KAT5: variants seen among roughly 807,000 people sequenced by gnomAD.
KAT5 encodes histone acetyltransferase KAT5.
A neutral mutation model predicts 68.1 loss-of-function variants in KAT5; 31 were observed. The observed-to-expected ratio is 0.46, with a 90% CI of 0.34 to 0.61. KAT5 has a LOEUF of 0.61. Ranked by LOEUF, KAT5 falls within the 20% of genes least tolerant of loss-of-function variation. The pLI, the probability that KAT5 is intolerant of heterozygous loss-of-function variation, is 0.01. For synonymous variants in KAT5, 365 were observed against 292.6 expected (o/e 1.25, Z -2.52); for missense variants, 451 against 725.5 (o/e 0.62, Z 4.35).
In KAT5 at chr11:65,718,697, A is replaced by G; in HGVS notation, c.1372A>G (p.Ile458Val). The G allele has an allele frequency of 6.2e-7, 1 of 1,614,070 alleles. No homozygotes were observed. The highest frequency in any genetic ancestry group is 8.5e-7 in the Non-Finnish European group (1 of 1,180,002). ...RSYWSQTILE[I>V]LMGLKSESGE... ...CTACTGGTCCCAGACCATCCTGGAG[A>G]TCCTGATGGGGCTGAAGTCGGAGAG... Residue 458 changes from isoleucine (I) to valine (V), a missense_variant, in exon 11 of 13, where the codon ATC becomes GTC. Transcript: ENST00000341318.
rs746803643 is a variant in KAT5 at position 65,714,805 on chromosome 11, C to T, written c.940-16C>T. The T allele has an allele frequency of 6.2e-7, 1 of 1,614,178 alleles. No individual in the cohort carries two copies. The highest frequency in any genetic ancestry group is 8.5e-7 in the Non-Finnish European group (1 of 1,180,018). ...CTCCACGTTGCCCTTGTTCCTGATCCTCCTCTCTTCCCCAGACCAAGTGTG... is the reference window on the plus strand; with the variant it reads ...CTCCACGTTGCCCTTGTTCCTGATCTTCCTCTCTTCCCCAGACCAAGTGTG... On this transcript the variant is annotated splice_polypyrimidine_tract_variant and intron_variant, in intron 7 of 12. Transcript: ENST00000341318.
At position 65,713,349 on chromosome 11, in the gene KAT5, C is replaced by T. The variant is rs1857088371; in HGVS notation, c.386C>T (p.Pro129Leu). 1.9e-6 allele frequency: 3 copies of T among 1,614,004 alleles called. No individual in the cohort carries two copies. The highest frequency in any genetic ancestry group is 1.6e-4 in the Middle Eastern group (1 of 6,062). Reference protein sequence around the residue: ...SRPGSPEREVPASAQASGKTL... With the variant: ...SRPGSPEREVLASAQASGKTL... The stretch of plus-strand genomic sequence containing the variant: ...AAGACCCTGGACCTATCTCTACAGC[C>T]GGCCTCGGCGCAGGCCAGCGGGAAG... The change falls in exon 4 of 13, where the codon CCG becomes CTG. Residue 129 changes from proline to leucine, a missense_variant and splice_region_variant. Physicochemically the swap from Pro to Leu is moderately conservative, Grantham distance 98 (BLOSUM62 -3). Coordinates refer to ENST00000341318, the MANE Select transcript of KAT5 (RefSeq NM_182710.3).
rs1017740767 is a variant in KAT5, at chr11:65,713,153, C to T, written c.384+95C>T. On this transcript the variant is annotated intron_variant, in intron 3 of 12. Coordinates refer to ENST00000341318, the MANE Select transcript of KAT5 (RefSeq NM_182710.3). ...TCCTGGATGGGCAGGAGGCGGCTCC[C>T]TCTCACCCTGACTTCATCTTGCAAA... The T allele has an allele frequency of 8.0e-6, 12 of 1,507,064 alleles. No homozygotes were observed. In the African/African-American group the frequency reaches 1.2e-4, roughly 16 times the overall value. The allele number at this position is 1,507,064 out of a possible 1,614,324, so 93.4% of individuals were successfully genotyped here. A position where few individuals can be genotyped will look rare whatever the true frequency, so the allele number is the denominator to read the frequency against.
rs756391565 is a variant in KAT5 at position 65,713,746 on chromosome 11, A to G, written c.616-28A>G. On this transcript the variant is annotated intron_variant, in intron 5 of 12. Transcript: ENST00000341318. ...CTTTTTTCAGGCTCATTTCACAGCC[A>G]TCCCTTCTTTTCCTACTATCTCGGC... The G allele has an allele frequency of 2.0e-5, 33 of 1,613,584 alleles. No homozygotes were observed. In the Admixed American group the frequency reaches 2.7e-4, roughly 13 times the overall value.
At chr11:65,716,644 G>A in intron 8 of KAT5, 23 bp from the exon 9 acceptor site, 1 of 1,610,612 alleles carries the variant, frequency 6.2e-7, no homozygotes, top group South Asian at 1.1e-5. Flanking sequence ...ACCCAGAGTG[G>A]TGACAAGCCT....
In KAT5 at chr11:65,712,466, G is replaced by A. The variant is rs748152989; in HGVS notation, c.178+21G>A. On this transcript the variant is annotated intron_variant, in intron 1 of 12. Transcript: ENST00000341318. Reference sequence around the variant, plus strand: ...GTGGCGTGAGTGACGTTGGGGGGCGGGACTAAGGAACCTGAGGGCGAGGGG... The same window carrying A: ...GTGGCGTGAGTGACGTTGGGGGGCGAGACTAAGGAACCTGAGGGCGAGGGG... 6.9e-6 allele frequency: 11 copies of A among 1,583,628 alleles called. No individual in the cohort carries two copies. The East Asian group carries it at 2.0e-4, about 29-fold the overall frequency.
intron 1 of KAT5, 116 bp from the exon 2 acceptor site, chr11:65,712,650 G>A (rs1251462043): frequency 5.2e-6 from 7 of 1,348,096 alleles, no homozygotes; most frequent in Non-Finnish European, 7.4e-6. Context: ...GGAGGCTTAG[G>A]AGAGACCTAA....
intron 3 of KAT5, 85 bp from the exon 4 acceptor site, chr11:65,713,263 A>C (rs1857084674): frequency 6.9e-7 from 1 of 1,455,400 alleles, no homozygotes; most frequent in African/African-American, 1.4e-5. Context: ...GGGTTTGATA[A>C]TTTTGAGGTG....
In KAT5 at chr11:65,712,848, C is replaced by T; in HGVS notation, c.247+14C>T. 2 of 1,614,092 alleles carry T rather than the reference C, an allele frequency of 1.2e-6. No individual in the cohort carries two copies. The highest frequency in any genetic ancestry group is 2.2e-5 in the East Asian group (1 of 44,880). On this transcript the variant is annotated intron_variant, in intron 2 of 12. Transcript: ENST00000341318. The stretch of plus-strand genomic sequence containing the variant: ...ATTACATTGACTGTGAGTTCTGGGC[C>T]TGAGGTGGGGCATCAGGGTAGGGTT...
chr11:65,712,239 G>A (rs1857041776), upstream of KAT5: 135 of 1,402,334 alleles, frequency 9.6e-5, no homozygotes, highest in Non-Finnish European at 1.2e-4. Context: ...CTCCCAGAGG[G>A]GCCGGAAGTG....
At chr11:65,717,244 C>T (rs549504571) in intron 10 of KAT5, 10 of 561,848 alleles carry the variant, frequency 1.8e-5, no homozygotes, top group South Asian at 4.0e-5. Flanking sequence ...ATCTGACTTA[C>T]GTGCTCCTGC....
intron 1 of KAT5, 79 bp from the exon 2 acceptor site, chr11:65,712,687 G>T (rs1444762400): frequency 2.0e-6 from 3 of 1,524,306 alleles, no homozygotes; most frequent in Non-Finnish European, 2.7e-6. Flanking sequence ...ATCCGGCCTG[G>T]GGGTGGAGTT....
intron 3 of KAT5, 93 bp from the exon 4 acceptor site, chr11:65,713,255 G>C (rs1405852250): frequency 9.9e-6 from 14 of 1,412,326 alleles, no homozygotes; most frequent in Non-Finnish European, 1.4e-5. Context: ...CGAGGGTGGG[G>C]TTTGATAATT....
intron 6 of KAT5, 107 bp from the exon 7 acceptor site, chr11:65,714,388 C>T (rs1305539139): frequency 2.1e-5 from 28 of 1,309,822 alleles, no homozygotes; most frequent in Non-Finnish European, 3.0e-5. Flanking sequence ...GTACCTCCCC[C>T]TTAGGGTTGC....
intron 1 of KAT5, 129 bp downstream of exon 1, chr11:65,712,574 C>G (rs752010869): frequency 7.9e-7 from 1 of 1,264,504 alleles, no homozygotes; most frequent in Non-Finnish European, 1.1e-6. Context: ...GATGAAGGGG[C>G]GTGGCTCTTA....
In KAT5 at chr11:65,719,357, G is replaced by A. The variant is rs532874020; in HGVS notation, c.*176G>A. ...GGTGCCCAGCACCAAGGCGAGCTCC[G>A]GGCTCAGACCAACTCCAAGGTCAGC... On this transcript the variant is annotated 3_prime_UTR_variant, in exon 13 of 13. Transcript: ENST00000341318. 2.4e-5 allele frequency: 19 copies of A among 784,514 alleles called. No individual in the cohort carries two copies. Among genetic ancestry groups the A allele is most frequent in the Admixed American group, 1.5e-4 (5 of 34,324 alleles). 48.6% of individuals were successfully genotyped at this position (784,514 alleles called of 1,614,324 possible). A position where few individuals can be genotyped will look rare whatever the true frequency, so the allele number is the denominator to read the frequency against.
rs138358637 is a variant in KAT5, at chr11:65,714,810, C to T, written c.940-11C>T. 1,884 of 1,614,208 alleles carry T rather than the reference C, an allele frequency of 1.2e-3. 6 individuals carry two copies. The highest frequency in any genetic ancestry group is 2.3e-3 in the Admixed American group (141 of 60,032). On this transcript the variant is annotated splice_polypyrimidine_tract_variant and intron_variant, in intron 7 of 12. Transcript: ENST00000341318. ...CGTTGCCCTTGTTCCTGATCCTCCT[C>T]TCTTCCCCAGACCAAGTGTGACCTA...
intron 10 of KAT5, 184 bp from the exon 11 acceptor site, chr11:65,718,406 G>T: frequency 1.5e-6 from 1 of 649,398 alleles, no homozygotes; most frequent in South Asian, 1.9e-5. Context: ...CTCAGCGCAC[G>T]GAAAGAGTGA....
Position 65,719,149 on chromosome 11 carries a change from C to G in KAT5, c.1609C>G (p.Pro537Ala). The part of the protein sequence containing the change: ...RIDSKCLHFT[P>A]KDWSKRGKW Reference sequence around the variant, plus strand: ...CGACTCCAAGTGTCTGCACTTCACTCCCAAGGACTGGAGCAAGAGGGGGAA... The same window carrying G: ...CGACTCCAAGTGTCTGCACTTCACTGCCAAGGACTGGAGCAAGAGGGGGAA... Residue 537 changes from proline (P) to alanine (A), a missense_variant, in exon 13 of 13, where the codon CCC becomes GCC. Pro to Ala is a conservative substitution (Grantham distance 27). This residue lies in a region of KAT5 where 210 missense variants were observed against 423.7 expected (regional missense o/e 0.50). Transcript: ENST00000341318. The G allele has an allele frequency of 6.2e-7, 1 of 1,614,202 alleles. No individual in the cohort carries two copies. The highest frequency in any genetic ancestry group is 8.5e-7 in the Non-Finnish European group (1 of 1,180,048).
Sources: allele counts gnomAD v4.1 joint callset, GRCh38; gene constraint gnomAD v4.1.1; regional missense constraint gnomAD v4.1.1; transcripts MANE v1.5; gene names NCBI Gene and HGNC (gene_info 2026-07-23, HGNC 2026-07-21).